Variants in EDA2R observed in about 807,000 individuals in gnomAD.
EDA2R encodes the protein ectodysplasin A2 receptor, also known as tumor necrosis factor receptor superfamily member 27.
EDA2R carries 26 observed loss-of-function variants against 20.1 expected under a neutral mutation model. The ratio of observed to expected loss-of-function variants is 1.30; its 90% confidence interval spans 0.95 to 1.80. EDA2R has a LOEUF of 1.80. Ranked by LOEUF, EDA2R falls within the 40% of genes most tolerant of loss-of-function variation. The pLI is 0.00. For synonymous variants in EDA2R, 114 were observed against 88.7 expected, an observed-to-expected ratio of 1.29 and a Z score of -1.60; for missense variants, 277 against 228.7, an observed-to-expected ratio of 1.21 and a Z score of -1.36.
At position 66,597,099 on chromosome X, in the gene EDA2R, C is replaced by T. The variant is rs780849264; in HGVS notation, c.*1005G>A. ...TGAAGTGCACATTCTGCCTAATGTA[C>T]TTAATAAACCACTTAATAGTTGTGG... On this transcript the variant is annotated 3_prime_UTR_variant, in exon 7 of 7. Coordinates refer to ENST00000374719, the MANE Select transcript of EDA2R (RefSeq NM_021783.5). The T allele has an allele frequency of 8.8e-6, 1 of 113,052 alleles. No homozygotes were observed. The highest frequency in any genetic ancestry group is 1.9e-5 in the Non-Finnish European group (1 of 53,401). The allele number at this position is 113,052 out of a possible 1,213,427, so 9.3% of individuals were successfully genotyped here.
intron 1 of EDA2R, among the ~76,000 whole-genome samples, chrX:66,637,465 T>C (rs926028215): frequency 8.9e-5 from 10 of 112,100 alleles, no homozygotes; most frequent in African/African-American, 3.2e-4. Flanking sequence ...TGGCTTTCCA[T>C]TGTCTGCTAA....
intron 1 of EDA2R, among the ~76,000 whole-genome samples, chrX:66,630,826 C>T (rs1035358849): frequency 2.1e-4 from 22 of 104,766 alleles, no homozygotes; most frequent in African/African-American, 7.6e-4. Flanking sequence ...TATATATACA[C>T]ACACACACAC....
intron 1 of EDA2R, among the ~76,000 whole-genome samples, chrX:66,629,948 A>C (rs1427342611): frequency 1.8e-5 from 2 of 111,954 alleles, no homozygotes; most frequent in African/African-American, 3.3e-5. Context: ...CTATACTATA[A>C]GGCCATAGTC....
At chrX:66,627,510 G>A (rs940226041) in intron 1 of EDA2R, among the ~76,000 whole-genome samples, 3 of 112,244 alleles carry the variant, frequency 2.7e-5, no homozygotes, top group Non-Finnish European at 5.6e-5. Flanking sequence ...AAACTTTAAA[G>A]CAACAACACT....
intron 1 of EDA2R, among the ~76,000 whole-genome samples, chrX:66,617,073 T>C (rs779628324): frequency 2.2e-4 from 25 of 112,152 alleles, no homozygotes; most frequent in African/African-American, 8.1e-4. Flanking sequence ...CATGAGGTTC[T>C]TTACTTACTC....
chrX:66,602,875 C>T, intron 4 of EDA2R, 78 bp from the exon 5 acceptor site: 1 of 949,742 alleles, frequency 1.1e-6, no homozygotes, highest in Non-Finnish European at 1.4e-6. Context: ...TGGACTTCCT[C>T]AGGCTGTCAC....
chrX:66,632,600 C>A (rs1318707170), intron 1 of EDA2R, among the ~76,000 whole-genome samples: 1 of 101,449 alleles, frequency 9.9e-6, no homozygotes, highest in Non-Finnish European at 2.0e-5. Context: ...GAAGGGGAAG[C>A]CAGAGAAGAA....
At chrX:66,599,324 C>G in intron 6 of EDA2R, 150 bp downstream of exon 6, 1 of 605,065 alleles carries the variant, frequency 1.7e-6, no homozygotes, top group Non-Finnish European at 2.5e-6. Flanking sequence ...AGCATCACCA[C>G]TGTTGCCCCT....
chrX:66,605,882 A>G (rs1419417976), intron 2 of EDA2R, among the ~76,000 whole-genome samples: 2 of 112,458 alleles, frequency 1.8e-5, no homozygotes, highest in Non-Finnish European at 3.8e-5. Flanking sequence ...AAATGCATGA[A>G]AGTATATATT....
rs1927697855 is a variant in EDA2R at position 66,597,642 on chromosome X, TGTGTGTG to T, written c.*455_*461del. 1 of 115,334 alleles carries T rather than the reference TGTGTGTG, an allele frequency of 8.7e-6. No homozygotes were observed. The highest frequency in any genetic ancestry group is 1.8e-5 in the Non-Finnish European group (1 of 56,250). 9.5% of individuals were successfully genotyped at this position (115,334 alleles called of 1,213,427 possible). A position where few individuals can be genotyped will look rare whatever the true frequency, so the allele number is the denominator to read the frequency against. On this transcript the variant is annotated 3_prime_UTR_variant, in exon 7 of 7. Transcript: ENST00000374719. ...GTGTGTGTTTGTGTGTCTATGTATA[TGTGTGTG>T]TATGTGTGTGTGTGTGTGTTGAGGA... is the stretch of plus-strand genomic sequence containing the variant.
chrX:66,626,993 C>T (rs191798767), intron 1 of EDA2R, among the ~76,000 whole-genome samples: 2 of 111,392 alleles, frequency 1.8e-5, no homozygotes, highest in African/African-American at 6.5e-5. Flanking sequence ...AACTATCAGC[C>T]AGGAATTTTG....
At chrX:66,600,427 C>T (rs899447567) in intron 5 of EDA2R, among the ~76,000 whole-genome samples, 2 of 111,710 alleles carry the variant, frequency 1.8e-5, no homozygotes, top group Admixed American at 9.5e-5. Context: ...GTCCTAGAGG[C>T]TAGGAATGAC....
intron 3 of EDA2R, among the ~76,000 whole-genome samples, 159 bp from the exon 4 acceptor site, chrX:66,604,665 G>A (rs1286314303): frequency 3.6e-5 from 4 of 111,755 alleles, no homozygotes; most frequent in Admixed American, 9.4e-5. Context: ...TTCTGACTCA[G>A]AGACCCAGAC....
chrX:66,627,847 T>C (rs1933264370), intron 1 of EDA2R, among the ~76,000 whole-genome samples: 2 of 111,776 alleles, frequency 1.8e-5, no homozygotes, highest in Admixed American at 9.5e-5. Context: ...TTAACAGATA[T>C]ATACAGAACA....
intron 1 of EDA2R, among the ~76,000 whole-genome samples, chrX:66,623,809 A>T (rs1242414417): frequency 8.9e-6 from 1 of 111,936 alleles, no homozygotes; most frequent in African/African-American, 3.2e-5. Flanking sequence ...TTCTTTGTTC[A>T]TATACAGTCT....
chrX:66,613,158 T>C (rs1280992958), intron 2 of EDA2R, among the ~76,000 whole-genome samples: 1 of 111,858 alleles, frequency 8.9e-6, no homozygotes, highest in Non-Finnish European at 1.9e-5. Context: ...TTAATACATG[T>C]CATCAAATTA....
At chrX:66,598,887 C>A (rs1927953558) in intron 6 of EDA2R, among the ~76,000 whole-genome samples, 1 of 111,508 alleles carries the variant, frequency 9.0e-6, no homozygotes, top group African/African-American at 3.3e-5. Context: ...CATTGGCTAT[C>A]AAATGGTTGC....
intron 3 of EDA2R, 72 bp from the exon 4 acceptor site, chrX:66,604,578 A>T (rs775956169): frequency 1.0e-6 from 1 of 986,774 alleles, no homozygotes; most frequent in South Asian, 2.3e-5. Context: ...CTTCCTGGGA[A>T]AGCAGCTCCT....
rs776950810 is a variant in EDA2R at position 66,597,362 on chromosome X, G to C, written c.*742C>G. Reference sequence around the variant, plus strand: ...GATTGAGGGCTGTCTTTGAGGGACTGCTGTGGGGTAGTTTGGGGAACTCAG... The same window carrying C: ...GATTGAGGGCTGTCTTTGAGGGACTCCTGTGGGGTAGTTTGGGGAACTCAG... On this transcript the variant is annotated 3_prime_UTR_variant, in exon 7 of 7. Coordinates refer to ENST00000374719, the MANE Select transcript of EDA2R (RefSeq NM_021783.5). The C allele has an allele frequency of 6.2e-5, 7 of 112,124 alleles. No homozygotes were observed. The East Asian group carries it at 2.0e-3, about 32-fold the overall frequency. 9.2% of individuals were successfully genotyped at this position (112,124 alleles called of 1,213,427 possible).
Sources: allele counts gnomAD v4.1 joint callset (sites outside exome capture counted in the v4.1 genomes callset), GRCh38; gene constraint gnomAD v4.1.1; transcripts MANE v1.5; gene names NCBI Gene and HGNC (gene_info 2026-07-23, HGNC 2026-07-21).